Variants in PVT1 observed in about 807,000 individuals in gnomAD.
PVT1 encodes CXCR4/PVT1 fusion.
In PVT1 at chr8:128,091,390, G is replaced by A. The variant is rs569021769; in HGVS notation, n.1115-5128G>A. ...ACTCCTCTCCAGCTGGCTTTCTCAC[G>A]CTGGAGAAGCCTGACCTTTATTCAG... On this transcript the variant is annotated intron_variant and non_coding_transcript_variant, in intron 5 of 10. Coordinates refer to ENST00000651587, the Ensembl canonical transcript of PVT1. Among the ~76,000 whole-genome samples, 13 of 152,250 alleles carry A rather than the reference G, an allele frequency of 8.5e-5. No homozygotes were observed. The South Asian group carries it at 1.9e-3, about 22-fold the overall frequency.
intron 3 of PVT1, among the ~76,000 whole-genome samples, chr8:127,978,682 C>T (rs1369750544): frequency 6.6e-6 from 1 of 152,136 alleles, no homozygotes; most frequent in Non-Finnish European, 1.5e-5. Flanking sequence ...GATGAGGTTT[C>T]ACCATATTGT....
chr8:127,995,824 T>G (rs1282826149), intron 4 of PVT1, among the ~76,000 whole-genome samples: 3 of 152,236 alleles, frequency 2.0e-5, no homozygotes, highest in African/African-American at 7.2e-5. Flanking sequence ...ATACTCCAGT[T>G]TGCAAATGAA....
chr8:127,839,215 G>A (rs552266999), intron 2 of PVT1, among the ~76,000 whole-genome samples: 2 of 152,136 alleles, frequency 1.3e-5, no homozygotes, highest in South Asian at 2.1e-4. Context: ...AAGGAGCTGT[G>A]GCAAGAAATT....
At chr8:128,007,813 A>G (rs1817264918) in intron 4 of PVT1, among the ~76,000 whole-genome samples, 1 of 152,256 alleles carries the variant, frequency 6.6e-6, no homozygotes, top group Non-Finnish European at 1.5e-5. Context: ...TTTCCAGCAC[A>G]GGCAGTGCTG....
intron 4 of PVT1, among the ~76,000 whole-genome samples, chr8:128,026,310 A>G (rs1817492482): frequency 6.9e-6 from 1 of 145,472 alleles, no homozygotes; most frequent in Non-Finnish European, 1.5e-5. Flanking sequence ...TTATTTTTTT[A>G]TTTGTATTTT....
At chr8:128,067,652 C>G (rs890285951) in intron 4 of PVT1, among the ~76,000 whole-genome samples, 4 of 152,116 alleles carry the variant, frequency 2.6e-5, no homozygotes, top group Non-Finnish European at 4.4e-5. Context: ...ATTAACCCAA[C>G]AGAGGAGCCA....
intron 4 of PVT1, among the ~76,000 whole-genome samples, chr8:128,038,600 A>C (rs897810036): frequency 6.6e-6 from 1 of 152,216 alleles, no homozygotes; most frequent in Admixed American, 6.5e-5. Context: ...GCCCTGAAGC[A>C]CAGTCTTCAC....
intron 6 of PVT1, among the ~76,000 whole-genome samples, chr8:128,097,961 C>T (rs1814449669): frequency 6.6e-6 from 1 of 152,166 alleles, no homozygotes; most frequent in Non-Finnish European, 1.5e-5. Context: ...TCTGGGACCA[C>T]CCTCCTTTTC....
At chr8:127,990,162 A>G (rs552352470) in intron 4 of PVT1, among the ~76,000 whole-genome samples, 8 of 152,300 alleles carry the variant, frequency 5.3e-5, no homozygotes, top group African/African-American at 1.9e-4. Context: ...TCACCTTCCC[A>G]GTTGTGCCCA....
Position 128,007,008 on chromosome 8 carries a change from T to G in PVT1, n.912+17717T>G, listed in dbSNP as rs186377382. Among the ~76,000 whole-genome samples, 87 of 152,314 alleles carry G rather than the reference T, an allele frequency of 5.7e-4. 1 individual carries two copies. In the East Asian group the frequency reaches 0.014, roughly 25 times the overall value. ...TCCTTGACAGAACTATAACCTGAAT[T>G]TAACAAGGAGGAAATATCAGGCAAA... On this transcript the variant is annotated intron_variant and non_coding_transcript_variant, in intron 4 of 10. Coordinates refer to ENST00000651587, the Ensembl canonical transcript of PVT1.
intron 4 of PVT1, among the ~76,000 whole-genome samples, chr8:128,058,743 G>A (rs2130117295): frequency 6.6e-6 from 1 of 152,262 alleles, no homozygotes; most frequent in Middle Eastern, 3.4e-3. Context: ...GGCTGGTTAG[G>A]CTATTGAGGT....
chr8:127,958,480 C>T (rs1816598351), intron 3 of PVT1, among the ~76,000 whole-genome samples: 1 of 152,180 alleles, frequency 6.6e-6, no homozygotes, highest in Non-Finnish European at 1.5e-5. Flanking sequence ...GCTCAGGCAT[C>T]CGCCTGCTTT....
intron 3 of PVT1, among the ~76,000 whole-genome samples, chr8:127,924,489 A>G (rs1260064497): frequency 7.0e-6 from 1 of 142,192 alleles, no homozygotes; most frequent in Non-Finnish European, 1.5e-5. Flanking sequence ...ACACACCACC[A>G]TGTCTGGCTA....
intron 5 of PVT1, among the ~76,000 whole-genome samples, chr8:128,092,078 C>T (rs1814363164): frequency 6.6e-6 from 1 of 152,172 alleles, no homozygotes; most frequent in Admixed American, 6.5e-5. Context: ...ACACCTACCT[C>T]TCCATCCCAC....
intron 3 of PVT1, among the ~76,000 whole-genome samples, chr8:127,937,580 CAGAGAG>C (rs1554598547): frequency 5.6e-5 from 6 of 107,862 alleles, no homozygotes; most frequent in East Asian, 2.8e-4. Flanking sequence ...CACACACACA[CAGAGAG>C]AGAGAGAGAG....
intron 2 of PVT1, chr8:127,855,160 T>C (rs1485616326): frequency 5.8e-5 from 23 of 398,576 alleles, no homozygotes; most frequent in Non-Finnish European, 1.3e-5. Context: ...CTAAGGACCA[T>C]AGCTGTCTGC....
At chr8:127,935,167 T>C (rs981287186) in intron 3 of PVT1, among the ~76,000 whole-genome samples, 1 of 152,074 alleles carries the variant, frequency 6.6e-6, no homozygotes, top group Non-Finnish European at 1.5e-5. Context: ...GGTTTCTCCA[T>C]GTTGGTCAGG....
chr8:127,861,955 C>T (rs574171235), intron 2 of PVT1, among the ~76,000 whole-genome samples: 44 of 152,282 alleles, frequency 2.9e-4, no homozygotes, highest in African/African-American at 1.1e-3. Flanking sequence ...GGCAGAGCCA[C>T]CCACACCCCA....
At chr8:128,003,980 T>C (rs976827364) in intron 4 of PVT1, among the ~76,000 whole-genome samples, 1 of 152,236 alleles carries the variant, frequency 6.6e-6, no homozygotes, top group Non-Finnish European at 1.5e-5. Context: ...TGCAGATGGT[T>C]GCCTTCTTCT....
Sources: allele counts gnomAD v4.1 joint callset (sites outside exome capture counted in the v4.1 genomes callset), GRCh38; gene constraint gnomAD v4.1.1; transcripts MANE v1.5; gene names NCBI Gene and HGNC (gene_info 2026-07-23, HGNC 2026-07-21).